The following HECW1 variants were observed in gnomAD, a reference collection of about 807,000 sequenced individuals.
The protein encoded by HECW1 is E3 ubiquitin-protein ligase HECW1.
In HECW1, 61 loss-of-function variants were observed where a neutral mutation model predicts 182.3. The ratio of observed to expected loss-of-function variants is 0.33; its 90% confidence interval spans 0.27 to 0.41. HECW1 has a LOEUF of 0.41. HECW1 is among the 10% of genes least tolerant of loss of function. HECW1 has a pLI of 1.00. For synonymous variants in HECW1, 859 were observed against 832.6 expected (o/e 1.03, Z -0.55); for missense variants, 1,739 against 2,108.9 (o/e 0.82, Z 3.44).
In HECW1 at chr7:43,565,561, A is replaced by G. The variant is rs898079667; in HGVS notation, c.*3635A>G. The G allele has an allele frequency of 1.9e-5, 3 of 159,382 alleles. No homozygotes were observed. Among genetic ancestry groups the G allele is most frequent in the African/African-American group, 8.2e-5 (3 of 36,524 alleles). 9.9% of individuals were successfully genotyped at this position (159,382 alleles called of 1,614,324 possible). ...CTTTACATAACAAATGTGGTGCTTT[A>G]TTATTATTATTATTATTATTTTTAT... On this transcript the variant is annotated 3_prime_UTR_variant, in exon 30 of 30. Coordinates refer to ENST00000395891, the MANE Select transcript of HECW1 (RefSeq NM_015052.5).
chr7:43,541,938 C>G lies in HECW1; in HGVS notation c.4188C>G (p.Asp1396Glu). The G allele has an allele frequency of 6.4e-7, 1 of 1,561,752 alleles. No homozygotes were observed. The highest frequency in any genetic ancestry group is 1.2e-5 in the South Asian group (1 of 81,880). Residue 1396 changes from aspartate to glutamate, a missense_variant, in exon 26 of 30, where the codon GAC becomes GAG. Transcript: ENST00000395891. ...ACCAGAGTTTGCAGTGGATGAAGGACAACAACATCACAGACATCTTAGACC... is the reference window on the plus strand; with the variant it reads ...ACCAGAGTTTGCAGTGGATGAAGGAGAACAACATCACAGACATCTTAGACC... ...EFHQSLQWMK[D>E]NNITDILDLT... is the part of the protein sequence containing the mutation.
chr7:43,481,854 C>T (rs2078446504), intron 17 of HECW1, among the ~76,000 whole-genome samples: 1 of 150,380 alleles, frequency 6.6e-6, no homozygotes, highest in Non-Finnish European at 1.5e-5. Context: ...GGCATGGTGG[C>T]GGGTGCCTGT....
chr7:43,433,784 G>A (rs1399866229), intron 8 of HECW1, among the ~76,000 whole-genome samples: 1 of 152,176 alleles, frequency 6.6e-6, no homozygotes, highest in Non-Finnish European at 1.5e-5. Flanking sequence ...TTTTGTTTAG[G>A]ACAGTTTCAC....
chr7:43,337,201 A>G (rs377690948), intron 5 of HECW1, among the ~76,000 whole-genome samples: 2 of 152,298 alleles, frequency 1.3e-5, no homozygotes, highest in African/African-American at 4.8e-5. Flanking sequence ...CCATGCCAAC[A>G]TCCATTGTTT....
intron 17 of HECW1, among the ~76,000 whole-genome samples, chr7:43,483,132 G>T (rs924433098): frequency 2.6e-5 from 4 of 152,120 alleles, no homozygotes; most frequent in African/African-American, 9.7e-5. Flanking sequence ...CTTTAGTGCT[G>T]CATGGAAGAG....
chr7:43,484,990 T>C (rs1585049437), intron 17 of HECW1, among the ~76,000 whole-genome samples: 1 of 152,202 alleles, frequency 6.6e-6, no homozygotes, highest in Admixed American at 6.5e-5. Context: ...ATTCCTAATA[T>C]AAGTTGACAT....
chr7:43,127,552 A>T (rs548962565), intron 2 of HECW1, among the ~76,000 whole-genome samples: 3 of 148,398 alleles, frequency 2.0e-5, no homozygotes, highest in South Asian at 2.1e-4. Context: ...AAAAAGGAAA[A>T]CAAACAGCCT....
intron 13 of HECW1, among the ~76,000 whole-genome samples, chr7:43,460,307 G>A (rs986919381): frequency 1.2e-4 from 19 of 152,188 alleles, no homozygotes; most frequent in African/African-American, 4.6e-4. Flanking sequence ...TGTTTTTGTT[G>A]ATGTAAGAGG....
intron 3 of HECW1, among the ~76,000 whole-genome samples, chr7:43,251,064 C>T (rs775110993): frequency 6.6e-6 from 1 of 152,190 alleles, no homozygotes; most frequent in Non-Finnish European, 1.5e-5. Context: ...CCCCACCCCC[C>T]TTACTGGATG....
At chr7:43,526,736 C>G (rs2080771673) in intron 24 of HECW1, among the ~76,000 whole-genome samples, 2 of 152,180 alleles carry the variant, frequency 1.3e-5, no homozygotes, top group Non-Finnish European at 1.5e-5. Context: ...TGCAGTGGCT[C>G]ACGCCTGTAA....
At chr7:43,502,398 C>G (rs531091527) in intron 21 of HECW1, among the ~76,000 whole-genome samples, 2 of 152,246 alleles carry the variant, frequency 1.3e-5, no homozygotes, top group South Asian at 4.2e-4. Flanking sequence ...GGCTAACCCG[C>G]GTAATCCCAG....
At chr7:43,285,362 A>G (rs967330301) in intron 3 of HECW1, among the ~76,000 whole-genome samples, 5 of 152,176 alleles carry the variant, frequency 3.3e-5, no homozygotes, top group African/African-American at 1.2e-4. Flanking sequence ...TCTTCAAGCT[A>G]TTTCAACATG....
At chr7:43,416,631 G>A (rs1431683185) in intron 8 of HECW1, among the ~76,000 whole-genome samples, 5 of 148,766 alleles carry the variant, frequency 3.4e-5, no homozygotes, top group South Asian at 2.2e-4. Context: ...CCCCAGCCTC[G>A]CTGCCGCCTT....
chr7:43,218,021 C>T (rs75490371), intron 2 of HECW1, among the ~76,000 whole-genome samples: 2,173 of 152,152 alleles, frequency 0.014, 50 homozygotes, highest in African/African-American at 0.05. Context: ...GGGCACAGCA[C>T]CAGCTAGGTA....
chr7:43,457,491 G>C lies in HECW1; in HGVS notation c.2651+1044G>C, dbSNP rs949274544. On this transcript the variant is annotated intron_variant, in intron 13 of 29. Transcript: ENST00000395891. ...ATTTAGTCCTATTAAAAACACATGG[G>C]GCCGGGTGCAGTGGCTCACGCCTGT... Among the ~76,000 whole-genome samples, 15 of 152,304 alleles carry C rather than the reference G, an allele frequency of 9.8e-5. No homozygotes were observed. In the East Asian group the frequency reaches 2.9e-3, roughly 29 times the overall value.
At chr7:43,157,202 T>C (rs1024464324) in intron 2 of HECW1, among the ~76,000 whole-genome samples, 1 of 152,138 alleles carries the variant, frequency 6.6e-6, no homozygotes, top group African/African-American at 2.4e-5. Flanking sequence ...ACATTAAACA[T>C]TGTGGGAAGT....
At chr7:43,201,436 C>A (rs1190425101) in intron 2 of HECW1, among the ~76,000 whole-genome samples, 1 of 152,170 alleles carries the variant, frequency 6.6e-6, no homozygotes, top group East Asian at 1.9e-4. Flanking sequence ...AGGAAGGATG[C>A]CCAGAAGTCA....
intron 8 of HECW1, 29 bp from the exon 9 acceptor site, chr7:43,437,973 TA>T (rs1266191124): frequency 6.2e-7 from 1 of 1,611,608 alleles, no homozygotes; most frequent in South Asian, 1.1e-5. Flanking sequence ...ACCTCTCAGT[TA>T]ATTGATGTGA....
chr7:43,347,747 C>T (rs969717905), intron 5 of HECW1, among the ~76,000 whole-genome samples: 2 of 152,080 alleles, frequency 1.3e-5, no homozygotes, highest in African/African-American at 4.8e-5. Context: ...TGGATTTTGT[C>T]AAATGCTTTC....
Sources: allele counts gnomAD v4.1 joint callset (sites outside exome capture counted in the v4.1 genomes callset), GRCh38; gene constraint gnomAD v4.1.1; transcripts MANE v1.5; gene names NCBI Gene and HGNC (gene_info 2026-07-23, HGNC 2026-07-21).